The following C2CD4A variants were observed in gnomAD, a reference collection of about 807,000 sequenced individuals.
C2CD4A encodes the protein C2 calcium-dependent domain-containing protein 4A.
In C2CD4A, 2 loss-of-function variants were observed where a neutral mutation model predicts 0.4. The observed-to-expected ratio is 4.45, with a 90% CI of 1.82 to 13.99. C2CD4A has a LOEUF of 13.99. Among genes scored for constraint, C2CD4A ranks in the 30% most tolerant of loss-of-function variants. The probability of loss-of-function intolerance (pLI) is 0.04; values close to 1 mark genes in which losing one functional copy is unlikely to be tolerated. For synonymous variants in C2CD4A, 297 were observed against 280.8 expected, an observed-to-expected ratio of 1.06 and a Z score of -0.58; for missense variants, 610 against 574.2, an observed-to-expected ratio of 1.06 and a Z score of -0.64.
In C2CD4A at chr15:62,068,864, C is replaced by A; in HGVS notation, c.*141C>A. On this transcript the variant is annotated 3_prime_UTR_variant, in exon 2 of 2. Transcript: ENST00000355522. ...GCAGAGATGATTCTAGATTAACTAT[C>A]CCAGTAAAAGATATGATATTTTCCA... 8.5e-7 allele frequency: 1 copy of A among 1,177,942 alleles called. No homozygotes were observed. Among genetic ancestry groups the A allele is most frequent in the Non-Finnish European group, 1.1e-6 (1 of 886,220 alleles). 73.0% of individuals were successfully genotyped at this position (1,177,942 alleles called of 1,614,324 possible). A position where few individuals can be genotyped will look rare whatever the true frequency, so the allele number is the denominator to read the frequency against.
Position 62,070,167 on chromosome 15 carries a change from T to G in C2CD4A, c.*1444T>G, listed in dbSNP as rs1272757999. 2.4e-6 allele frequency: 1 copy of G among 409,478 alleles called. No homozygotes were observed. Among genetic ancestry groups the G allele is most frequent in the Non-Finnish European group, 4.5e-6 (1 of 224,500 alleles). 25.4% of individuals were successfully genotyped at this position (409,478 alleles called of 1,614,324 possible). On this transcript the variant is annotated 3_prime_UTR_variant, in exon 2 of 2. Transcript: ENST00000355522. The stretch of plus-strand genomic sequence containing the variant: ...TGAATTCACTGCCAGCAGGGCATTT[T>G]TTTCTTTTTTTTATGCAAATAGGAA...
Position 62,068,938 on chromosome 15 carries a change from T to A in C2CD4A, c.*215T>A. The A allele has an allele frequency of 5.3e-6, 3 of 566,502 alleles. No individual in the cohort carries two copies. Among genetic ancestry groups the A allele is most frequent in the Non-Finnish European group, 8.5e-6 (3 of 350,932 alleles). The allele number at this position is 566,502 out of a possible 1,614,324, so 35.1% of individuals were successfully genotyped here. A position where few individuals can be genotyped will look rare whatever the true frequency, so the allele number is the denominator to read the frequency against. On this transcript the variant is annotated 3_prime_UTR_variant, in exon 2 of 2. Transcript: ENST00000355522. ...AGCAAATGGAATGGTTCTACAGTGT[T>A]TCCCAATATAGACAGCCATTTGCAT...
chr15:62,068,270 C>A lies in C2CD4A; in HGVS notation c.657C>A (p.Gly219=), dbSNP rs1226854158. 9 of 1,381,504 alleles carry A rather than the reference C, an allele frequency of 6.5e-6. No individual in the cohort carries two copies. Among genetic ancestry groups the A allele is most frequent in the Non-Finnish European group, 8.4e-6 (9 of 1,069,008 alleles). 85.6% of individuals were successfully genotyped at this position (1,381,504 alleles called of 1,614,324 possible). The change falls in exon 2 of 2, where the codon GGC becomes GGA. Residue 219 remains glycine (G), a synonymous_variant. Transcript: ENST00000355522. ...ACGAGGACAAGGAGCGCCGCGCGGG[C>A]TCCCAGTCCCCGGCCCGGGCCCCCT... ...SGNEDKERRA[G]SQSPARAPST... is the part of the protein sequence containing the mutation.
Position 62,068,082 on chromosome 15 carries a change from G to A in C2CD4A, c.469G>A (p.Ala157Thr). ...TLRVPRAPGP[A>T]TPAAPGCPRP... ...GCGCGTCCCGCGAGCTCCGGGCCCG[G>A]CGACCCCCGCGGCCCCCGGCTGTCC... Residue 157 changes from alanine (A) to threonine (T), a missense_variant, in exon 2 of 2, where the codon GCG becomes ACG. Transcript: ENST00000355522. The A allele has an allele frequency of 8.9e-7, 1 of 1,126,030 alleles. No individual in the cohort carries two copies. Among genetic ancestry groups the A allele is most frequent in the Non-Finnish European group, 1.1e-6 (1 of 923,026 alleles). 69.8% of individuals were successfully genotyped at this position (1,126,030 alleles called of 1,614,324 possible).
At position 62,068,265 on chromosome 15, in the gene C2CD4A, G is replaced by A. The variant is rs2049059830; in HGVS notation, c.652G>A (p.Ala218Thr). 7.3e-7 allele frequency: 1 copy of A among 1,374,938 alleles called. No individual in the cohort carries two copies. Among genetic ancestry groups the A allele is most frequent in the Non-Finnish European group, 9.4e-7 (1 of 1,065,786 alleles). 85.2% of individuals were successfully genotyped at this position (1,374,938 alleles called of 1,614,324 possible). A position where few individuals can be genotyped will look rare whatever the true frequency, so the allele number is the denominator to read the frequency against. The change falls in exon 2 of 2, where the codon GCG (alanine) becomes ACG (threonine). Residue 218 changes from alanine to threonine, a missense_variant. Transcript: ENST00000355522. The part of the protein sequence containing the change: ...SSGNEDKERR[A>T]GSQSPARAPS... ...CGGGAACGAGGACAAGGAGCGCCGC[G>A]CGGGCTCCCAGTCCCCGGCCCGGGC...
At position 62,067,847 on chromosome 15, in the gene C2CD4A, C is replaced by T. The variant is rs759623137; in HGVS notation, c.234C>T (p.Ala78=). ...WVEEAGMDEG[A]GRTDWDPRSQ... ...AAGAAGCAGGGATGGACGAGGGCGCCGGCCGCACAGACTGGGACCCGCGCT... is the reference window on the plus strand; with the variant it reads ...AAGAAGCAGGGATGGACGAGGGCGCTGGCCGCACAGACTGGGACCCGCGCT... The change falls in exon 2 of 2, where the codon GCC becomes GCT. Residue 78 remains alanine, a synonymous_variant. Transcript: ENST00000355522. The T allele has an allele frequency of 2.1e-5, 34 of 1,609,614 alleles. No individual in the cohort carries two copies. Among genetic ancestry groups the T allele is most frequent in the Non-Finnish European group, 2.8e-5 (33 of 1,179,624 alleles).
Position 62,067,745 on chromosome 15 carries a change from C to T in C2CD4A, c.132C>T (p.Asp44=), listed in dbSNP as rs748804124. ...TAACANVLTP[D]RIPEFCIPPR... is the part of the protein sequence containing the mutation. ...CGTGCGCAAATGTGCTCACTCCGGA[C>T]CGCATCCCTGAGTTCTGCATCCCGC... The change falls in exon 2 of 2, where the codon GAC becomes GAT. Residue 44 remains aspartate (D), a synonymous_variant. Coordinates refer to ENST00000355522, the MANE Select transcript of C2CD4A (RefSeq NM_207322.3). 1.2e-6 allele frequency: 2 copies of T among 1,612,914 alleles called. No homozygotes were observed. Among genetic ancestry groups the T allele is most frequent in the Non-Finnish European group, 1.7e-6 (2 of 1,179,960 alleles).
rs545333999 is a variant in C2CD4A, at chr15:62,069,602, T to A, written c.*879T>A. On this transcript the variant is annotated 3_prime_UTR_variant, in exon 2 of 2. Coordinates refer to ENST00000355522, the MANE Select transcript of C2CD4A (RefSeq NM_207322.3). ...TGTCTGCAAATAATAATAATAATAATAAATAGTTTTACAAGCGTTAATTTA... is the reference window on the plus strand; with the variant it reads ...TGTCTGCAAATAATAATAATAATAAAAAATAGTTTTACAAGCGTTAATTTA... 2.4e-5 allele frequency: 4 copies of A among 165,868 alleles called. No individual in the cohort carries two copies. The highest frequency in any genetic ancestry group is 7.2e-5 in the African/African-American group (3 of 41,406). The allele number at this position is 165,868 out of a possible 1,614,324, so 10.3% of individuals were successfully genotyped here.
At position 62,068,049 on chromosome 15, in the gene C2CD4A, G is replaced by A. The variant is rs996874238; in HGVS notation, c.436G>A (p.Gly146Arg). 9.6e-5 allele frequency: 116 copies of A among 1,209,970 alleles called. No homozygotes were observed. In the African/African-American group the frequency reaches 1.7e-3, roughly 18 times the overall value. 75.0% of individuals were successfully genotyped at this position (1,209,970 alleles called of 1,614,324 possible). The change falls in exon 2 of 2, where the codon GGG (glycine) becomes AGG (arginine). Residue 146 changes from glycine (G) to arginine (R), a missense_variant. Coordinates refer to ENST00000355522, the MANE Select transcript of C2CD4A (RefSeq NM_207322.3). Reference protein sequence around the residue: ...GGGGGPDALLGTLRVPRAPGP... With the variant: ...GGGGGPDALLRTLRVPRAPGP... The stretch of plus-strand genomic sequence containing the variant: ...CGGCGGCGGCCCGGACGCCCTCCTG[G>A]GGACCCTGCGCGTCCCGCGAGCTCC...
Position 62,068,721 on chromosome 15 carries a change from T to C in C2CD4A, c.1108T>C (p.Ter370ArgextTer88). Residue 370 changes from the stop codon to arginine (R), a stop_lost, in exon 2 of 2, where the codon TGA (stop) becomes CGA (arginine). Transcript: ENST00000355522. ...GTCCCTGGGCGCCCTCCTGCTGCTC[T>C]GAGGGCCCAGCCCTCCCCGGGGCGC... ...ELSLGALLLL[*>R] 1 of 1,495,966 alleles carries C rather than the reference T, an allele frequency of 6.7e-7. No individual in the cohort carries two copies. Among genetic ancestry groups the C allele is most frequent in the Non-Finnish European group, 8.9e-7 (1 of 1,119,426 alleles). The allele number at this position is 1,495,966 out of a possible 1,614,324, so 92.7% of individuals were successfully genotyped here. A position where few individuals can be genotyped will look rare whatever the true frequency, so the allele number is the denominator to read the frequency against.
chr15:62,067,893 C>T lies in C2CD4A; in HGVS notation c.280C>T (p.Pro94Ser). ...DPRSQAALSL[P>S]HLPRVRTAYG... The stretch of plus-strand genomic sequence containing the variant: ...GCGCTCGCAGGCCGCGCTGTCACTG[C>T]CGCACCTGCCCCGTGTGCGCACCGC... The change falls in exon 2 of 2, where the codon CCG (proline) becomes TCG (serine). Residue 94 changes from proline (P) to serine (S), a missense_variant. Transcript: ENST00000355522. The T allele has an allele frequency of 6.3e-7, 1 of 1,599,888 alleles. No individual in the cohort carries two copies. The highest frequency in any genetic ancestry group is 8.5e-7 in the Non-Finnish European group (1 of 1,177,188).
rs1252496347 is a variant in C2CD4A at position 62,068,107 on chromosome 15, C to T, written c.494C>T (p.Pro165Leu). The change falls in exon 2 of 2, where the codon CCC becomes CTC. Residue 165 changes from proline (P) to leucine (L), a missense_variant. Coordinates refer to ENST00000355522, the MANE Select transcript of C2CD4A (RefSeq NM_207322.3). The stretch of plus-strand genomic sequence containing the variant: ...GCGACCCCCGCGGCCCCCGGCTGTC[C>T]CCGCCCGCCCCAGGACGCGCTCGCC... ...GPATPAAPGC[P>L]RPPQDALARR... The T allele has an allele frequency of 4.3e-6, 5 of 1,156,408 alleles. No homozygotes were observed. In the African/African-American group the frequency reaches 4.9e-5, roughly 11 times the overall value. 71.6% of individuals were successfully genotyped at this position (1,156,408 alleles called of 1,614,324 possible). A position where few individuals can be genotyped will look rare whatever the true frequency, so the allele number is the denominator to read the frequency against.
intron 1 of C2CD4A, 51 bp from the exon 2 acceptor site, chr15:62,067,534 T>A: frequency 7.0e-7 from 1 of 1,428,866 alleles, no homozygotes; most frequent in South Asian, 1.3e-5. Flanking sequence ...CAGGATTTAC[T>A]GCACCTTGCG....
In C2CD4A at chr15:62,068,565, G is replaced by T. The variant is rs774481549; in HGVS notation, c.952G>T (p.Ala318Ser). 2 of 1,571,240 alleles carry T rather than the reference G, an allele frequency of 1.3e-6. No homozygotes were observed. Among genetic ancestry groups the T allele is most frequent in the South Asian group, 1.2e-5 (1 of 85,660 alleles). ...CSTVVGRSRK[A>S]SFDQDFCFDG... is the part of the protein sequence containing the mutation. ...CACTGTGGTGGGGCGCAGCCGCAAGGCCTCCTTTGACCAGGACTTCTGCTT... is the reference window on the plus strand; with the variant it reads ...CACTGTGGTGGGGCGCAGCCGCAAGTCCTCCTTTGACCAGGACTTCTGCTT... The change falls in exon 2 of 2, where the codon GCC (alanine) becomes TCC (serine). Residue 318 changes from alanine to serine, a missense_variant. Transcript: ENST00000355522.
Position 62,068,366 on chromosome 15 carries a change from C to A in C2CD4A, c.753C>A (p.Gly251=). ...AGGCCGAGGGCACCGTGGCTCTGGGCCGCGCCGGCGACGCCCTGCGCCTGG... is the reference window on the plus strand; with the variant it reads ...AGGCCGAGGGCACCGTGGCTCTGGGACGCGCCGGCGACGCCCTGCGCCTGG... ...RLEAEGTVAL[G]RAGDALRLAA... is the part of the protein sequence containing the mutation. Residue 251 remains glycine (G), a synonymous_variant, in exon 2 of 2, where the codon GGC becomes GGA. Transcript: ENST00000355522. The A allele has an allele frequency of 7.3e-7, 1 of 1,366,032 alleles. No individual in the cohort carries two copies. The highest frequency in any genetic ancestry group is 9.4e-7 in the Non-Finnish European group (1 of 1,064,078). 84.6% of individuals were successfully genotyped at this position (1,366,032 alleles called of 1,614,324 possible).
In C2CD4A at chr15:62,070,480, T is replaced by C. The variant is rs1567165479; in HGVS notation, c.*1757T>C. On this transcript the variant is annotated 3_prime_UTR_variant, in exon 2 of 2. Transcript: ENST00000355522. Reference sequence around the variant, plus strand: ...ACCATGCCCGACCAGTTTCTGCTTTTATTAAAATTGTTCACAGTTTTATAC... The same window carrying C: ...ACCATGCCCGACCAGTTTCTGCTTTCATTAAAATTGTTCACAGTTTTATAC... 2 of 413,498 alleles carry C rather than the reference T, an allele frequency of 4.8e-6. No homozygotes were observed. The allele number at this position is 413,498 out of a possible 1,614,324, so 25.6% of individuals were successfully genotyped here. A position where few individuals can be genotyped will look rare whatever the true frequency, so the allele number is the denominator to read the frequency against.
chr15:62,069,263 C>T lies in C2CD4A; in HGVS notation c.*540C>T, dbSNP rs937528562. 6.0e-5 allele frequency: 10 copies of T among 167,264 alleles called. No homozygotes were observed. Among genetic ancestry groups the T allele is most frequent in the African/African-American group, 2.4e-4 (10 of 41,454 alleles). The allele number at this position is 167,264 out of a possible 1,614,324, so 10.4% of individuals were successfully genotyped here. On this transcript the variant is annotated 3_prime_UTR_variant, in exon 2 of 2. Coordinates refer to ENST00000355522, the MANE Select transcript of C2CD4A (RefSeq NM_207322.3). ...TGGAAAAGCATTGGAGAAAATGAAACCATTTTAATATTCTAAGCTTAAATA... is the reference window on the plus strand; with the variant it reads ...TGGAAAAGCATTGGAGAAAATGAAATCATTTTAATATTCTAAGCTTAAATA...
At chr15:62,067,562 C>A in intron 1 of C2CD4A, 23 bp from the exon 2 acceptor site, 1 of 1,526,922 alleles carries the variant, frequency 6.5e-7, no homozygotes, top group Non-Finnish European at 8.8e-7. Flanking sequence ...CTCTGACGAT[C>A]CTTGTGCCTT....
rs1288708000 is a variant in C2CD4A at position 62,069,356 on chromosome 15, G to T, written c.*633G>T. On this transcript the variant is annotated 3_prime_UTR_variant, in exon 2 of 2. Transcript: ENST00000355522. ...CTGGCACTTTGGGAGGCCGAGGCGGGCAGATGGCTTGAGCCCAGGAATTTG... is the reference window on the plus strand; with the variant it reads ...CTGGCACTTTGGGAGGCCGAGGCGGTCAGATGGCTTGAGCCCAGGAATTTG... 1 of 166,644 alleles carries T rather than the reference G, an allele frequency of 6.0e-6. No homozygotes were observed. Among genetic ancestry groups the T allele is most frequent in the Non-Finnish European group, 1.5e-5 (1 of 68,138 alleles). 10.3% of individuals were successfully genotyped at this position (166,644 alleles called of 1,614,324 possible). A position where few individuals can be genotyped will look rare whatever the true frequency, so the allele number is the denominator to read the frequency against.
Sources: allele counts gnomAD v4.1 joint callset, GRCh38; gene constraint gnomAD v4.1.1; transcripts MANE v1.5; gene names NCBI Gene and HGNC (gene_info 2026-07-23, HGNC 2026-07-21).